SPTLC3: variants seen among roughly 807,000 people sequenced by gnomAD.
SPTLC3 encodes serine palmitoyltransferase long chain base subunit 3.
In SPTLC3, 36 loss-of-function variants were observed where a neutral mutation model predicts 59.3. The ratio of observed to expected loss-of-function variants is 0.61; its 90% confidence interval spans 0.47 to 0.80. SPTLC3 has a LOEUF of 0.80. Among genes scored for constraint, SPTLC3 ranks in the 30% least tolerant of loss-of-function variants. SPTLC3 has a pLI of 0.00. For synonymous variants in SPTLC3, 257 were observed against 240.8 expected (o/e 1.07, Z -0.62); for missense variants, 625 against 685.1 (o/e 0.91, Z 0.98).
At chr20:13,079,550 A>G (rs1988767006) in intron 4 of SPTLC3, among the ~76,000 whole-genome samples, 2 of 152,278 alleles carry the variant, frequency 1.3e-5, no homozygotes, top group Admixed American at 1.3e-4. Context: ...TGAATTGATG[A>G]AAAATATCAA....
At chr20:13,064,747 A>C (rs1325211147) in intron 2 of SPTLC3, among the ~76,000 whole-genome samples, 1 of 152,232 alleles carries the variant, frequency 6.6e-6, no homozygotes, top group African/African-American at 2.4e-5. Flanking sequence ...TTTGGAAAAA[A>C]CTGGCCATTT....
chr20:13,112,495 G>T (rs1188657761), intron 7 of SPTLC3, among the ~76,000 whole-genome samples: 3 of 152,212 alleles, frequency 2.0e-5, no homozygotes, highest in Non-Finnish European at 4.4e-5. Flanking sequence ...TCAAAAGAAG[G>T]TGAAATAGAC....
intron 3 of SPTLC3, among the ~76,000 whole-genome samples, chr20:13,073,281 G>A (rs1008124463): frequency 2.6e-5 from 4 of 152,098 alleles, no homozygotes; most frequent in Admixed American, 6.5e-5. Flanking sequence ...TAGCTCCCAC[G>A]TTATAGGTAA....
intron 6 of SPTLC3, among the ~76,000 whole-genome samples, chr20:13,097,531 T>C (rs554518731): frequency 6.6e-6 from 1 of 152,270 alleles, no homozygotes; most frequent in East Asian, 1.9e-4. Context: ...TACAGCAGTG[T>C]TCTCTTAGAA....
intron 6 of SPTLC3, among the ~76,000 whole-genome samples, chr20:13,101,691 A>G (rs879697): frequency 0.76 from 115,853 of 152,040 alleles, 45,232 homozygotes; most frequent in African/African-American, 0.94. Context: ...AAATAATGAA[A>G]TTATTTTTCC....
intron 11 of SPTLC3, 145 bp from the exon 12 acceptor site, chr20:13,164,609 C>A (rs1371533125): frequency 1.5e-6 from 1 of 646,854 alleles, no homozygotes; most frequent in South Asian, 2.0e-5. Context: ...CCTAATGGTA[C>A]GGATCTTGCT....
chr20:13,088,560 T>G (rs562315834), intron 4 of SPTLC3, among the ~76,000 whole-genome samples: 1 of 152,156 alleles, frequency 6.6e-6, no homozygotes, highest in East Asian at 1.9e-4. Context: ...CCTGACCTCG[T>G]GATCTGCCTG....
rs776596436 is a variant in SPTLC3 at position 13,009,329 on chromosome 20, G to C, written c.62G>C (p.Ser21Thr). ...AAACTTCACAATCACAAGAAACAGA[G>C]CAATGGCTCACAAAGCAGAAACTGC... Reference protein sequence around the residue: ...NGKLHNHKKQSNGSQSRNCTK... With the variant: ...NGKLHNHKKQTNGSQSRNCTK... Residue 21 changes from serine to threonine, a missense_variant, in exon 1 of 12, where the codon AGC (serine) becomes ACC (threonine). Coordinates refer to ENST00000399002, the MANE Select transcript of SPTLC3 (RefSeq NM_018327.4). The C allele has an allele frequency of 6.2e-7, 1 of 1,614,076 alleles. No individual in the cohort carries two copies. Among genetic ancestry groups the C allele is most frequent in the Non-Finnish European group, 8.5e-7 (1 of 1,179,970 alleles).
intron 1 of SPTLC3, among the ~76,000 whole-genome samples, chr20:13,041,385 C>T (rs1294870397): frequency 6.6e-6 from 1 of 151,982 alleles, no homozygotes; most frequent in Non-Finnish European, 1.5e-5. Flanking sequence ...TGCTATTGAG[C>T]CCCTCTAGTA....
At chr20:13,134,763 C>CA (rs5840554) in intron 9 of SPTLC3, among the ~76,000 whole-genome samples, 5,436 of 145,004 alleles carry the variant, frequency 0.037, 315 homozygotes, top group African/African-American at 0.13. Flanking sequence ...AAGGACCTAG[C>CA]AAAAAAAAAG....
At chr20:13,077,344 G>T (rs1988684153) in intron 4 of SPTLC3, among the ~76,000 whole-genome samples, 1 of 151,312 alleles carries the variant, frequency 6.6e-6, no homozygotes, top group Non-Finnish European at 1.5e-5. Context: ...TGATATAGAA[G>T]ACATTAACAA....
chr20:13,141,851 G>C (rs1351373521), intron 9 of SPTLC3, among the ~76,000 whole-genome samples: 1 of 152,088 alleles, frequency 6.6e-6, no homozygotes, highest in African/African-American at 2.4e-5. Context: ...CCTGTGCTGG[G>C]GGGCAAAAAA....
intron 2 of SPTLC3, chr20:13,050,358 C>T (rs991969959): frequency 3.3e-5 from 5 of 151,972 alleles, no homozygotes; most frequent in African/African-American, 4.8e-5. Context: ...ACAAGGTCTT[C>T]GAATTAACCC....
intron 1 of SPTLC3, among the ~76,000 whole-genome samples, chr20:13,023,722 G>A (rs868390277): frequency 1.4e-4 from 22 of 152,136 alleles, no homozygotes; most frequent in Admixed American, 4.6e-4. Flanking sequence ...TGGTGACCAG[G>A]TAACAACATG....
chr20:13,083,623 T>G (rs1053788415), intron 4 of SPTLC3, among the ~76,000 whole-genome samples: 1 of 152,172 alleles, frequency 6.6e-6, no homozygotes, highest in African/African-American at 2.4e-5. Context: ...GGTCACATAG[T>G]TAATGAATGG....
intron 9 of SPTLC3, among the ~76,000 whole-genome samples, chr20:13,141,394 T>A (rs1297593747): frequency 6.6e-6 from 1 of 152,192 alleles, no homozygotes; most frequent in East Asian, 1.9e-4. Flanking sequence ...AAAACCATGA[T>A]AATTCACACT....
intron 1 of SPTLC3, among the ~76,000 whole-genome samples, chr20:13,022,084 C>T (rs140839016): frequency 8.7e-4 from 133 of 152,286 alleles, no homozygotes; most frequent in African/African-American, 3.0e-3. Context: ...TTCCTCCTCC[C>T]GCTCTCTAAA....
chr20:13,076,799 G>C (rs1054149287), intron 4 of SPTLC3, among the ~76,000 whole-genome samples: 12 of 152,146 alleles, frequency 7.9e-5, no homozygotes, highest in African/African-American at 2.9e-4. Context: ...CCACCTCCCT[G>C]CTGCAACCAC....
At chr20:13,158,435 C>T (rs911881353) in intron 10 of SPTLC3, among the ~76,000 whole-genome samples, 1 of 152,160 alleles carries the variant, frequency 6.6e-6, no homozygotes, top group Admixed American at 6.5e-5. Context: ...AAACGTGCTT[C>T]CTTTGGCACA....
Sources: gnomAD v4.1 joint callset for allele counts (sites outside exome capture counted in the v4.1 genomes callset) on GRCh38, gnomAD v4.1.1 for gene constraint, MANE v1.5 for transcripts, NCBI Gene and HGNC (gene_info 2026-07-23, HGNC 2026-07-21) for gene names.